Variants in ABCB1 observed in about 807,000 individuals in gnomAD.
ABCB1 encodes the protein ATP binding cassette subfamily B member 1, also known as ATP-dependent translocase ABCB1.
Under a neutral mutation model 142.0 loss-of-function variants are expected in ABCB1, and 69 were observed. The observed-to-expected ratio is 0.49, with a 90% CI of 0.40 to 0.59. The LOEUF (loss-of-function observed/expected upper bound fraction) is 0.59. Among genes scored for constraint, ABCB1 ranks in the 20% least tolerant of loss-of-function variants. The pLI, the probability that ABCB1 is intolerant of heterozygous loss-of-function variation, is 0.00. For synonymous variants in ABCB1, 532 were observed against 539.2 expected, an observed-to-expected ratio of 0.99 and a Z score of 0.18; for missense variants, 1,326 against 1,554.7, an observed-to-expected ratio of 0.85 and a Z score of 2.47.
Position 87,585,611 on chromosome 7 carries a change from C to G in ABCB1, c.187G>C (p.Ala63Pro). 1 of 1,613,986 alleles carries G rather than the reference C, an allele frequency of 6.2e-7. No individual in the cohort carries two copies. The highest frequency in any genetic ancestry group is 8.5e-7 in the Non-Finnish European group (1 of 1,179,912). ...VGTLAAIIHGAGLPLMMLVFG... is the reference protein window; with the variant it reads ...VGTLAAIIHGPGLPLMMLVFG... ...ACCAGCATCATGAGAGGAAGTCCAG[C>G]CCCATGGATGATGGCAGCCAAAGTT... The change falls in exon 4 of 28, where the codon GCT (alanine) becomes CCT (proline). Residue 63 changes from alanine (A) to proline (P), a missense_variant. By Grantham distance (27) the Ala-to-Pro change is conservative. Transcript: ENST00000622132.
At chr7:87,561,066 T>C (rs1453659920) in intron 8 of ABCB1, among the ~76,000 whole-genome samples, 197 bp downstream of exon 8, 1 of 152,258 alleles carries the variant, frequency 6.6e-6, no homozygotes, top group Non-Finnish European at 1.5e-5. Context: ...GAAAACTCTT[T>C]GAATTAGCAG....
At chr7:87,675,179 G>C (rs969553864) in intron 1 of ABCB1, among the ~76,000 whole-genome samples, 1 of 152,164 alleles carries the variant, frequency 6.6e-6, no homozygotes, top group African/African-American at 2.4e-5. Context: ...CCCCATGCTG[G>C]GTTCCCGGCT....
chr7:87,508,712 C>T (rs924929509), intron 26 of ABCB1, among the ~76,000 whole-genome samples: 1 of 152,164 alleles, frequency 6.6e-6, no homozygotes, highest in Non-Finnish European at 1.5e-5. Flanking sequence ...AACCCTTATT[C>T]AGAGAGAGCA....
chr7:87,539,980 G>A (rs901165510), intron 18 of ABCB1, among the ~76,000 whole-genome samples: 1 of 152,164 alleles, frequency 6.6e-6, no homozygotes, highest in African/African-American at 2.4e-5. Context: ...GGTATTAATA[G>A]TTGGTATGGC....
intron 1 of ABCB1, among the ~76,000 whole-genome samples, chr7:87,703,914 G>GTTTTTTTTTTTTTTTTTTTTTTT (rs35797972): frequency 6.1e-4 from 26 of 42,970 alleles, no homozygotes; most frequent in East Asian, 1.7e-3. Context: ...TTTTTTTTTG[G>GTTTTTTTTTTTTTTTTTTTTTTT]TTTTTTTTTT....
chr7:87,644,209 AAG>A lies in ABCB1; in HGVS notation c.-330-43133_-330-43132del, dbSNP rs552914112. ...TCTCTGTGTTTCTGATGTAAAATATAAGAGAGAAAATAGGCCTTCCAGTGAAC... is the reference window on the plus strand; with the variant it reads ...TCTCTGTGTTTCTGATGTAAAATATAAGAGAAAATAGGCCTTCCAGTGAAC... On this transcript the variant is annotated intron_variant, in intron 1 of 28. Coordinates refer to the ABCB1 transcript ENST00000265724. Among the ~76,000 whole-genome samples, 44 of 152,324 alleles carry A rather than the reference AAG, an allele frequency of 2.9e-4. No homozygotes were observed. The Middle Eastern group carries it at 0.014, about 47-fold the overall frequency.
intron 1 of ABCB1, among the ~76,000 whole-genome samples, chr7:87,647,218 C>G (rs118038149): frequency 0.031 from 4,751 of 152,302 alleles, 73 homozygotes; most frequent in Middle Eastern, 0.048. Context: ...GACCCAGATG[C>G]TTTCAGAGGT....
At chr7:87,532,890 T>C (rs2117134271) in intron 20 of ABCB1, among the ~76,000 whole-genome samples, 1 of 152,300 alleles carries the variant, frequency 6.6e-6, no homozygotes, top group East Asian at 1.9e-4. Context: ...GAATCCTTTA[T>C]AATTCCCTAC....
At chr7:87,623,788 A>G (rs1820312137) in intron 1 of ABCB1, among the ~76,000 whole-genome samples, 1 of 151,788 alleles carries the variant, frequency 6.6e-6, no homozygotes, top group Admixed American at 6.6e-5. Context: ...TTTCCCTCCC[A>G]GTAGATTCAT....
At chr7:87,683,139 C>T (rs192131013) in intron 1 of ABCB1, among the ~76,000 whole-genome samples, 64 of 152,206 alleles carry the variant, frequency 4.2e-4, no homozygotes, top group African/African-American at 1.4e-3. Context: ...TTTTCTTCTG[C>T]GGCGTCTTTG....
chr7:87,659,378 CTT>C (rs1824462711), intron 1 of ABCB1, among the ~76,000 whole-genome samples: 1 of 151,706 alleles, frequency 6.6e-6, no homozygotes, highest in Non-Finnish European at 1.5e-5. Flanking sequence ...TAGTGTATCT[CTT>C]TATATAGATT....
intron 1 of ABCB1, among the ~76,000 whole-genome samples, chr7:87,711,807 G>C (rs1421594546): frequency 2.0e-5 from 3 of 152,106 alleles, no homozygotes; most frequent in Admixed American, 6.6e-5. Flanking sequence ...CATCACAGAA[G>C]GTTCTATTGG....
chr7:87,652,220 A>G (rs902846193), intron 1 of ABCB1, among the ~76,000 whole-genome samples: 2 of 152,104 alleles, frequency 1.3e-5, no homozygotes, highest in African/African-American at 4.8e-5. Context: ...TTGATCTGGT[A>G]TATCATTTAG....
intron 1 of ABCB1, among the ~76,000 whole-genome samples, chr7:87,670,097 A>G (rs967542849): frequency 6.6e-6 from 1 of 152,114 alleles, no homozygotes; most frequent in African/African-American, 2.4e-5. Context: ...CCTCCCTTTC[A>G]GGAATGCCAG....
chr7:87,563,844 T>A (rs1429914538), intron 7 of ABCB1, among the ~76,000 whole-genome samples: 1 of 151,738 alleles, frequency 6.6e-6, no homozygotes, highest in African/African-American at 2.4e-5. Flanking sequence ...ATAAAAAAAA[T>A]GAGATCATGT....
intron 1 of ABCB1, among the ~76,000 whole-genome samples, chr7:87,694,234 G>C (rs1828292680): frequency 6.6e-6 from 1 of 152,042 alleles, no homozygotes; most frequent in South Asian, 2.1e-4. Context: ...GTGTGAAGTA[G>C]CAGCTCAGGG....
chr7:87,700,331 T>C lies in ABCB1; in HGVS notation c.-331+12830A>G, dbSNP rs556691413. On this transcript the variant is annotated intron_variant, in intron 1 of 28. Coordinates refer to the ABCB1 transcript ENST00000265724. ...TGCCATTATAGTTCACTATATTACC[T>C]TTATTTTTCAGAATTTTATTGTTCT... is the stretch of plus-strand genomic sequence containing the variant. 7 of 1,167,202 alleles carry C rather than the reference T, an allele frequency of 6.0e-6. No homozygotes were observed. The South Asian group carries it at 1.1e-4, about 19-fold the overall frequency. 72.3% of individuals were successfully genotyped at this position (1,167,202 alleles called of 1,614,324 possible).
intron 1 of ABCB1, among the ~76,000 whole-genome samples, chr7:87,658,037 G>T (rs916398813): frequency 6.6e-6 from 1 of 152,160 alleles, no homozygotes; most frequent in African/African-American, 2.4e-5. Flanking sequence ...GAACCAGGAA[G>T]ATCTCAGATT....
intron 23 of ABCB1, 96 bp downstream of exon 23, chr7:87,519,230 C>A: frequency 8.1e-7 from 1 of 1,238,872 alleles, no homozygotes; most frequent in East Asian, 2.4e-5. Context: ...AGAATCTCTT[C>A]ATGAGGCTTC....
Sources: gnomAD v4.1 joint callset for allele counts (sites outside exome capture counted in the v4.1 genomes callset) on GRCh38, gnomAD v4.1.1 for gene constraint, MANE v1.5 for transcripts, NCBI Gene and HGNC (gene_info 2026-07-23, HGNC 2026-07-21) for gene names.